ARHGEF3: variants seen among roughly 807,000 people sequenced by gnomAD.
ARHGEF3 encodes the protein Rho guanine nucleotide exchange factor 3, also known as 59.8 kDA protein.
A neutral mutation model predicts 63.2 loss-of-function variants in ARHGEF3; 28 were observed. The observed-to-expected ratio is 0.44, with a 90% CI of 0.33 to 0.61. The LOEUF (loss-of-function observed/expected upper bound fraction) is 0.61. ARHGEF3 is among the 20% of genes least tolerant of loss of function. The probability of loss-of-function intolerance (pLI) is 0.03; values close to 1 mark genes in which losing one functional copy is unlikely to be tolerated. For missense variants in ARHGEF3, 533 were observed against 659.3 expected (o/e 0.81, Z 2.10); for synonymous variants, 266 against 254.2 (o/e 1.05, Z -0.44).
chr3:56,954,977 A>C (rs1054767385), intron 3 of ARHGEF3, among the ~76,000 whole-genome samples: 4 of 151,990 alleles, frequency 2.6e-5, no homozygotes, highest in African/African-American at 9.7e-5. Flanking sequence ...TTATTTTGAA[A>C]TCTCTCTTCT....
intron 3 of ARHGEF3, among the ~76,000 whole-genome samples, chr3:56,932,396 A>T (rs1394126871): frequency 6.6e-6 from 1 of 152,164 alleles, no homozygotes; most frequent in Non-Finnish European, 1.5e-5. Flanking sequence ...TCATAGCCCA[A>T]ATTGTACTGT....
upstream of ARHGEF3, chr3:56,802,066 C>G: frequency 7.9e-7 from 1 of 1,266,908 alleles, no homozygotes. Flanking sequence ...TGCCGCAGCG[C>G]GGACACCTCC....
intron 1 of ARHGEF3, chr3:57,074,354 C>G: frequency 8.1e-7 from 1 of 1,231,612 alleles, no homozygotes; most frequent in Non-Finnish European, 1.2e-6. Context: ...CATCCCCCAC[C>G]CCCACCAGGG....
In ARHGEF3 at chr3:56,751,023, T is replaced by G. The variant is rs112746054; in HGVS notation, c.612+33A>C. On this transcript the variant is annotated intron_variant, in intron 6 of 9. Transcript: ENST00000296315. ...AAACTCCCATCTATATTATTGAAAT[T>G]TATCTTCAATAAAGACCAGAGAACT... The G allele has an allele frequency of 6.2e-4, 958 of 1,536,634 alleles. 9 individuals carry two copies. In the African/African-American group the frequency reaches 0.012, roughly 18 times the overall value.
In ARHGEF3 at chr3:56,934,261, G is replaced by A. The variant is rs143726549; in HGVS notation, c.129+24562C>T. Reference sequence around the variant, plus strand: ...TAATAGTAGTAGTAGCAGGGATGGAGAGAATATTTACTGAGCAGTTACTGA... The same window carrying A: ...TAATAGTAGTAGTAGCAGGGATGGAAAGAATATTTACTGAGCAGTTACTGA... On this transcript the variant is annotated intron_variant, in intron 3 of 12. Transcript: ENST00000338458. Among the ~76,000 whole-genome samples, 753 of 152,370 alleles carry A rather than the reference G, an allele frequency of 4.9e-3. 8 individuals carry two copies. The highest frequency in any genetic ancestry group is 0.017 in the African/African-American group (702 of 41,584).
Position 56,765,297 on chromosome 3 carries a change from G to A in ARHGEF3, c.204+8412C>T, listed in dbSNP as rs9813579. Among the ~76,000 whole-genome samples, 1,498 of 152,136 alleles carry A rather than the reference G, an allele frequency of 9.8e-3. 21 individuals are homozygous for A. The highest frequency in any genetic ancestry group is 0.034 in the African/African-American group (1,429 of 41,496). ...TTAGTTTCTGTTTCCAGTGATAAGCGGAAAAGAGGGATAAGGAAGGGGCTT... is the reference window on the plus strand; with the variant it reads ...TTAGTTTCTGTTTCCAGTGATAAGCAGAAAAGAGGGATAAGGAAGGGGCTT... On this transcript the variant is annotated intron_variant, in intron 2 of 9. Transcript: ENST00000296315.
At chr3:56,802,121 C>G (rs921303588), upstream of ARHGEF3, among the ~76,000 whole-genome samples, 1 of 152,162 alleles carries the variant, frequency 6.6e-6, no homozygotes, top group Non-Finnish European at 1.5e-5. Context: ...TGGAGAGGGA[C>G]CTCTCTCTCC....
intron 1 of ARHGEF3, among the ~76,000 whole-genome samples, chr3:57,049,659 G>C (rs899035032): frequency 2.0e-5 from 3 of 152,208 alleles, no homozygotes; most frequent in Admixed American, 6.5e-5. Flanking sequence ...GGAGTTCCAA[G>C]GGGCTCAGAA....
chr3:56,765,933 A>G (rs1394061586), intron 2 of ARHGEF3, among the ~76,000 whole-genome samples: 1 of 152,162 alleles, frequency 6.6e-6, no homozygotes, highest in African/African-American at 2.4e-5. Flanking sequence ...TGGGGAAAAA[A>G]GGAGGAGAAC....
At position 56,801,934 on chromosome 3, in the gene ARHGEF3, C is replaced by G. The variant is rs773210258; in HGVS notation, c.-136G>C. 21 of 1,354,144 alleles carry G rather than the reference C, an allele frequency of 1.6e-5. No homozygotes were observed. Among genetic ancestry groups the G allele is most frequent in the South Asian group, 2.5e-5 (2 of 81,466 alleles). The allele number at this position is 1,354,144 out of a possible 1,614,324, so 83.9% of individuals were successfully genotyped here. A position where few individuals can be genotyped will look rare whatever the true frequency, so the allele number is the denominator to read the frequency against. ...CGGAGACCGACAGCCGGCTTCTAGC[C>G]GGGCAGGACTCGACTGGGCTCCGGA... On this transcript the variant is annotated 5_prime_UTR_variant, in exon 1 of 10. Transcript: ENST00000296315.
intron 6 of ARHGEF3, among the ~76,000 whole-genome samples, chr3:56,750,330 C>T (rs558750225): frequency 2.0e-5 from 3 of 152,136 alleles, no homozygotes; most frequent in Non-Finnish European, 4.4e-5. Flanking sequence ...TTTAAGTACA[C>T]AATAAAACAC....
At chr3:56,893,684 T>C (rs1305126336) in intron 3 of ARHGEF3, among the ~76,000 whole-genome samples, 1 of 151,918 alleles carries the variant, frequency 6.6e-6, no homozygotes, top group Non-Finnish European at 1.5e-5. Flanking sequence ...TGTGCCCCTG[T>C]AGACCCAGCT....
chr3:56,840,203 T>G (rs149099758), intron 4 of ARHGEF3, among the ~76,000 whole-genome samples: 46 of 152,266 alleles, frequency 3.0e-4, no homozygotes, highest in African/African-American at 1.1e-3. Flanking sequence ...GAAAAAGGCA[T>G]GCAGTGCCTA....
At chr3:56,791,553 G>T (rs906540318) in intron 1 of ARHGEF3, among the ~76,000 whole-genome samples, 14 of 152,138 alleles carry the variant, frequency 9.2e-5, no homozygotes, top group African/African-American at 2.9e-4. Flanking sequence ...ATTTAAAGTA[G>T]GGCCTTGCAG....
intron 2 of ARHGEF3, among the ~76,000 whole-genome samples, chr3:57,017,662 G>A (rs1703076718): frequency 6.6e-6 from 1 of 152,182 alleles, no homozygotes; most frequent in Admixed American, 6.5e-5. Flanking sequence ...CTTGGCACAC[G>A]TTGGATTGAA....
intron 1 of ARHGEF3, among the ~76,000 whole-genome samples, chr3:56,797,044 G>A (rs554794013): frequency 1.6e-4 from 25 of 152,078 alleles, no homozygotes; most frequent in African/African-American, 5.8e-4. Flanking sequence ...GAGCACTTAC[G>A]ACATGCTAGG....
intron 7 of ARHGEF3, among the ~76,000 whole-genome samples, chr3:56,743,884 C>G (rs1390565623): frequency 6.6e-6 from 1 of 152,122 alleles, no homozygotes; most frequent in Non-Finnish European, 1.5e-5. Context: ...TATCACCAGT[C>G]TCTTCCTCCT....
intron 1 of ARHGEF3, among the ~76,000 whole-genome samples, chr3:57,039,530 G>T (rs1056840321): frequency 6.6e-6 from 1 of 152,056 alleles, no homozygotes; most frequent in Non-Finnish European, 1.5e-5. Flanking sequence ...ATTACCACAC[G>T]CTTAGTGACT....
At chr3:56,807,624 C>T (rs564647122) in intron 4 of ARHGEF3, among the ~76,000 whole-genome samples, 31 of 152,308 alleles carry the variant, frequency 2.0e-4, no homozygotes, top group South Asian at 2.1e-4. Context: ...ACCAAGCCCC[C>T]CTCTCCTCTC....
Sources: allele counts gnomAD v4.1 joint callset (sites outside exome capture counted in the v4.1 genomes callset), GRCh38; gene constraint gnomAD v4.1.1; transcripts MANE v1.5; gene names NCBI Gene and HGNC (gene_info 2026-07-23, HGNC 2026-07-21).